FARP1: variants seen among roughly 807,000 people sequenced by gnomAD.
The protein encoded by FARP1 is FERM, ARH/RhoGEF and pleckstrin domain protein 1, also known as FERM, ARHGEF and pleckstrin domain-containing protein 1.
FARP1 carries 52 observed loss-of-function variants against 128.8 expected under a neutral mutation model. The ratio of observed to expected loss-of-function variants is 0.40; its 90% confidence interval spans 0.32 to 0.51. FARP1 has a LOEUF of 0.51. FARP1 is among the 20% of genes least tolerant of loss of function. The pLI, the probability that FARP1 is intolerant of heterozygous loss-of-function variation, is 0.45. For synonymous variants in FARP1, 580 were observed against 551.8 expected, an observed-to-expected ratio of 1.05 and a Z score of -0.72; for missense variants, 1,333 against 1,367.9, an observed-to-expected ratio of 0.97 and a Z score of 0.40.
chr13:98,424,760 A>G (rs1891716576), intron 17 of FARP1, 110 bp downstream of exon 17: 3 of 761,112 alleles, frequency 3.9e-6, no homozygotes, highest in Middle Eastern at 3.1e-4. Flanking sequence ...ACCTGATTTG[A>G]CTCTCTACAC....
At chr13:98,301,192 C>T (rs76344805) in intron 2 of FARP1, among the ~76,000 whole-genome samples, 13,283 of 152,246 alleles carry the variant, frequency 0.087, 941 homozygotes, top group African/African-American at 0.19. Flanking sequence ...TCATGCCAGC[C>T]CCCACCTGGA....
chr13:98,216,235 A>G (rs2099585951), intron 2 of FARP1, among the ~76,000 whole-genome samples: 1 of 152,220 alleles, frequency 6.6e-6, no homozygotes, highest in Non-Finnish European at 1.5e-5. Context: ...GTTTAAGAGC[A>G]GCCACGGCCA....
chr13:98,395,571 A>C, intron 13 of FARP1, 95 bp downstream of exon 13: 1 of 1,418,768 alleles, frequency 7.0e-7, no homozygotes. Context: ...TTAGAGAACA[A>C]GCGTCCCGAT....
chr13:98,260,452 C>CT (rs1883823400), intron 2 of FARP1, among the ~76,000 whole-genome samples: 1 of 152,178 alleles, frequency 6.6e-6, no homozygotes, highest in Non-Finnish European at 1.5e-5. Context: ...TGAGTTTAGC[C>CT]TTTGCAGATA....
At chr13:98,201,765 T>TA (rs958221450) in intron 1 of FARP1, among the ~76,000 whole-genome samples, 1 of 152,272 alleles carries the variant, frequency 6.6e-6, no homozygotes, top group East Asian at 1.9e-4. Flanking sequence ...CCTATTTAAT[T>TA]AAAAAAATTG....
At chr13:98,447,046 C>T (rs1424731159) in intron 26 of FARP1, 2 of 510,418 alleles carry the variant, frequency 3.9e-6, no homozygotes, top group African/African-American at 3.8e-5. Flanking sequence ...GGCTGAGGCC[C>T]TAGACATCTT....
At chr13:98,330,980 A>G (rs1171950522) in intron 2 of FARP1, among the ~76,000 whole-genome samples, 2 of 152,158 alleles carry the variant, frequency 1.3e-5, no homozygotes, top group African/African-American at 2.4e-5. Context: ...CCTTGGAATC[A>G]CTGCTATCAT....
intron 18 of FARP1, chr13:98,432,462 G>A (rs1892070102): frequency 1.3e-5 from 2 of 152,274 alleles, no homozygotes; most frequent in African/African-American, 4.8e-5. Context: ...GTTGTGTCTG[G>A]TGTCACAGTT....
At chr13:98,359,553 A>C (rs1328529493) in intron 3 of FARP1, among the ~76,000 whole-genome samples, 3 of 152,210 alleles carry the variant, frequency 2.0e-5, no homozygotes, top group African/African-American at 7.2e-5. Context: ...CTCACCTCCG[A>C]GTACAGCCAC....
chr13:98,384,439 C>T lies in FARP1; in HGVS notation c.497-291C>T, dbSNP rs560163557. ...AACTCCTGACCTCAAGTGATCCACC[C>T]GTCCTGGACTCCCAAAGTGCTGAGA... On this transcript the variant is annotated intron_variant, in intron 6 of 26. Transcript: ENST00000319562. 1.2e-4 allele frequency: 42 copies of T among 359,510 alleles called. 1 individual carries two copies. The highest frequency in any genetic ancestry group is 9.0e-4 in the South Asian group (16 of 17,714). 22.3% of individuals were successfully genotyped at this position (359,510 alleles called of 1,614,324 possible).
intron 1 of FARP1, among the ~76,000 whole-genome samples, chr13:98,178,988 CACTGG>C (rs1594237208): frequency 2.6e-5 from 4 of 152,206 alleles, no homozygotes; most frequent in African/African-American, 9.6e-5. Flanking sequence ...TGGGCTTGTA[CACTGG>C]ACTGTCCTTT....
intron 1 of FARP1, among the ~76,000 whole-genome samples, chr13:98,166,874 C>T (rs1877304371): frequency 2.0e-5 from 3 of 152,050 alleles, no homozygotes; most frequent in African/African-American, 7.2e-5. Context: ...TAGGCGTGCA[C>T]TACCACACCT....
intron 1 of FARP1, among the ~76,000 whole-genome samples, chr13:98,172,162 T>C (rs899713014): frequency 6.6e-6 from 1 of 152,038 alleles, no homozygotes; most frequent in African/African-American, 2.4e-5. Context: ...AGAATTCTAG[T>C]TCTGATTAGC....
In FARP1 at chr13:98,311,437, A is replaced by C. The variant is rs1886455532; in HGVS notation, c.172-32325A>C. ...CCCTGGTTTGCTTCCTGTTAGGGCA[A>C]TGAATTTTGGCCTTTTAAATATTTT... On this transcript the variant is annotated intron_variant, in intron 2 of 26. Transcript: ENST00000319562. Among the ~76,000 whole-genome samples the C allele has an allele frequency of 2.0e-5, 3 of 152,174 alleles. No individual in the cohort carries two copies. In the South Asian group the frequency reaches 6.2e-4, roughly 32 times the overall value.
In FARP1 at chr13:98,440,853, C is replaced by T. The variant is rs757715866; in HGVS notation, c.2796+17C>T. On this transcript the variant is annotated intron_variant, in intron 24 of 26. Transcript: ENST00000319562. ...GCAGTGGAGGTACGCAGGGGCAGGG[C>T]AGCTCTGGTTCCCAGCTTGTGCTGG... 102 of 1,579,346 alleles carry T rather than the reference C, an allele frequency of 6.5e-5. No individual in the cohort carries two copies. The highest frequency in any genetic ancestry group is 8.3e-5 in the Non-Finnish European group (97 of 1,164,886).
Position 98,367,172 on chromosome 13 carries a change from T to TGA in FARP1, c.320-945_320-944insGA, listed in dbSNP as rs55717519. 3.8e-4 allele frequency among the ~76,000 whole-genome samples: 57 copies of TGA among 151,568 alleles called. No homozygotes were observed. In the East Asian group the frequency reaches 8.9e-3, roughly 24 times the overall value. On this transcript the variant is annotated intron_variant, in intron 4 of 26. Transcript: ENST00000319562. ...ATGATGATGATGATGATGATGATGATTGAGATGGAGTCTTGCTCTCTCACA... is the reference window on the plus strand; with the variant it reads ...ATGATGATGATGATGATGATGATGATGATGAGATGGAGTCTTGCTCTCTCACA...
chr13:98,214,157 C>A (rs1880919068), intron 2 of FARP1, among the ~76,000 whole-genome samples: 1 of 152,232 alleles, frequency 6.6e-6, no homozygotes, highest in South Asian at 2.1e-4. Flanking sequence ...CTTCTCCGAG[C>A]CCCTGCCTGG....
intron 2 of FARP1, among the ~76,000 whole-genome samples, chr13:98,301,129 T>C (rs1038890988): frequency 2.0e-5 from 3 of 152,166 alleles, no homozygotes; most frequent in African/African-American, 7.2e-5. Context: ...CATAGGACAG[T>C]CCACCCTGCC....
chr13:98,403,704 T>G (rs1210907050), intron 13 of FARP1: 1 of 152,134 alleles, frequency 6.6e-6, no homozygotes, highest in African/African-American at 2.4e-5. Context: ...ATGAAGTACG[T>G]CAATAAAGCA....
Sources: allele counts gnomAD v4.1 joint callset (sites outside exome capture counted in the v4.1 genomes callset), GRCh38; gene constraint gnomAD v4.1.1; transcripts MANE v1.5; gene names NCBI Gene and HGNC (gene_info 2026-07-23, HGNC 2026-07-21).